The following ERG variants were observed in gnomAD, a reference collection of about 807,000 sequenced individuals.
ERG encodes the protein ETS transcription factor ERG.
ERG carries 9 observed loss-of-function variants against 55.3 expected under a neutral mutation model. The ratio of observed to expected loss-of-function variants is 0.16; its 90% CI spans 0.10 to 0.28. The LOEUF is 0.28. Among genes scored for constraint, ERG ranks in the 10% least tolerant of loss-of-function variants. The pLI, the probability that ERG is intolerant of heterozygous loss-of-function variation, is 1.00. For synonymous variants in ERG, 223 were observed against 237.3 expected, an observed-to-expected ratio of 0.94 and a Z score of 0.55; for missense variants, 434 against 631.6, an observed-to-expected ratio of 0.69 and a Z score of 3.35.
chr21:38,500,280 G>A (rs1332040565), upstream of ERG, among the ~76,000 whole-genome samples: 1 of 152,198 alleles, frequency 6.6e-6, no homozygotes, highest in African/African-American at 2.4e-5. Context: ...AGCCACGGAA[G>A]AAAATCCTGT....
chr21:38,508,545 A>C (rs1362535212), intron 2 of ERG, among the ~76,000 whole-genome samples: 1 of 152,208 alleles, frequency 6.6e-6, no homozygotes, highest in Non-Finnish European at 1.5e-5. Flanking sequence ...ATTTGTATAC[A>C]ACTTAGTCCT....
the ERG span, among the ~76,000 whole-genome samples, chr21:38,373,519 C>T: frequency 6.6e-6 from 1 of 152,142 alleles, no homozygotes; most frequent in African/African-American, 2.4e-5. Flanking sequence ...TTCTGTATCA[C>T]GTTCTTGTAG....
At chr21:38,586,179 ATATATATATATATATATATATATATAT>A (rs2060063141), upstream of ERG, among the ~76,000 whole-genome samples, 19 of 158 alleles carry the variant, frequency 0.12, no homozygotes, top group African/African-American at 0.28. Flanking sequence ...GTTTTGAAAT[ATATATATATATATATATATATATATAT>A]ATATATATAT....
chr21:38,488,697 C>T (rs1416051727), intron 1 of ERG, among the ~76,000 whole-genome samples: 1 of 152,212 alleles, frequency 6.6e-6, no homozygotes, highest in African/African-American at 2.4e-5. Flanking sequence ...GACCTTTCAA[C>T]TAACCATAGA....
intron 1 of ERG, among the ~76,000 whole-genome samples, chr21:38,487,153 A>G (rs2059293922): frequency 6.6e-6 from 1 of 150,990 alleles, no homozygotes; most frequent in African/African-American, 2.4e-5. Flanking sequence ...CCTGGAAAAA[A>G]AAAAGAAGTG....
At chr21:38,495,073 C>T (rs2059368908) in intron 1 of ERG, among the ~76,000 whole-genome samples, 2 of 152,228 alleles carry the variant, frequency 1.3e-5, no homozygotes, top group Admixed American at 1.3e-4. Context: ...TGACGCAATT[C>T]GTATTTCACT....
intron 2 of ERG, among the ~76,000 whole-genome samples, chr21:38,511,188 T>C (rs1238446056): frequency 6.6e-6 from 1 of 152,222 alleles, no homozygotes; most frequent in Non-Finnish European, 1.5e-5. Context: ...ATAGGAATGA[T>C]TCACAACCTC....
intron 2 of ERG, among the ~76,000 whole-genome samples, chr21:38,513,540 C>T (rs564550909): frequency 2.6e-4 from 39 of 152,254 alleles, no homozygotes; most frequent in Admixed American, 8.5e-4. Context: ...ATTAAAAACA[C>T]GTAATATAAA....
At chr21:38,446,077 G>T (rs1215749890) in intron 1 of ERG, among the ~76,000 whole-genome samples, 1 of 151,984 alleles carries the variant, frequency 6.6e-6, no homozygotes, top group African/African-American at 2.4e-5. Context: ...GGATTTTGCG[G>T]AAGAGGGACT....
chr21:38,489,924 G>A (rs1230900488), intron 1 of ERG, among the ~76,000 whole-genome samples: 2 of 152,186 alleles, frequency 1.3e-5, no homozygotes, highest in African/African-American at 4.8e-5. Context: ...TTTTCAAGCC[G>A]CCTTCCAGGT....
At chr21:38,469,948 A>G (rs2146618696) in intron 1 of ERG, among the ~76,000 whole-genome samples, 1 of 152,334 alleles carries the variant, frequency 6.6e-6, no homozygotes, top group East Asian at 1.9e-4. Context: ...TATAATCTAT[A>G]TTGCAAACAG....
chr21:38,437,603 A>G (rs944868913), intron 2 of ERG, among the ~76,000 whole-genome samples: 4 of 152,204 alleles, frequency 2.6e-5, no homozygotes, highest in African/African-American at 9.7e-5. Context: ...GATGCTTAAA[A>G]GGGGCCCTTA....
intron 2 of ERG, among the ~76,000 whole-genome samples, chr21:38,428,465 A>C (rs1263956350): frequency 2.0e-5 from 3 of 152,154 alleles, no homozygotes; most frequent in Non-Finnish European, 4.4e-5. Flanking sequence ...CTCCATTCTC[A>C]CATGATAAGG....
At chr21:38,421,940 C>A (rs1878215381) in intron 3 of ERG, among the ~76,000 whole-genome samples, 1 of 152,204 alleles carries the variant, frequency 6.6e-6, no homozygotes, top group Non-Finnish European at 1.5e-5. Flanking sequence ...GCAACCTCTG[C>A]CTCTCTGGTT....
chr21:38,568,699 G>A (rs982582708), intron 2 of ERG, among the ~76,000 whole-genome samples: 8 of 152,152 alleles, frequency 5.3e-5, no homozygotes, highest in African/African-American at 1.9e-4. Flanking sequence ...ATCTTACGGA[G>A]CAGTATCTAG....
rs971500536 is a variant in ERG, at chr21:38,381,703, A to T, written c.*1700T>A. 9.4e-7 allele frequency: 1 copy of T among 1,063,478 alleles called. No individual in the cohort carries two copies. The highest frequency in any genetic ancestry group is 1.1e-6 in the Non-Finnish European group (1 of 878,252). The allele number at this position is 1,063,478 out of a possible 1,614,324, so 65.9% of individuals were successfully genotyped here. ...TAGCAGGAATTAAGGGTGATTTGTG[A>T]CCAGGTGCTGAACTAGAATTTCTCA... On this transcript the variant is annotated 3_prime_UTR_variant, in exon 10 of 10. Coordinates refer to ENST00000288319, the MANE Select transcript of ERG (RefSeq NM_182918.4).
At chr21:38,408,820 G>A (rs892809275) in intron 3 of ERG, among the ~76,000 whole-genome samples, 3 of 152,144 alleles carry the variant, frequency 2.0e-5, no homozygotes, top group Non-Finnish European at 4.4e-5. Context: ...GTAGGAGGAA[G>A]GGGAGGGGAC....
At chr21:38,439,239 G>A (rs62217941) in intron 2 of ERG, among the ~76,000 whole-genome samples, 31,674 of 152,164 alleles carry the variant, frequency 0.21, 3,911 homozygotes, top group East Asian at 0.44. Context: ...ATGCTCAGAT[G>A]GAGGAAAAGC....
intron 2 of ERG, among the ~76,000 whole-genome samples, chr21:38,436,020 C>CTTTTTTTTTTTT (rs11384369): frequency 7.5e-6 from 1 of 133,334 alleles, no homozygotes; most frequent in Non-Finnish European, 1.6e-5. Flanking sequence ...TTCTTTTTTT[C>CTTTTTTTTTTTT]TTTTTTTTTT....
Sources: allele counts gnomAD v4.1 joint callset (sites outside exome capture counted in the v4.1 genomes callset), GRCh38; gene constraint gnomAD v4.1.1; transcripts MANE v1.5; gene names NCBI Gene and HGNC (gene_info 2026-07-23, HGNC 2026-07-21).